The following GRIK2 variants were observed in gnomAD, a reference collection of about 807,000 sequenced individuals.
GRIK2 encodes the protein glutamate ionotropic receptor kainate type subunit 2, also known as glutamate receptor ionotropic, kainate 2.
In GRIK2, 32 loss-of-function variants were observed where a neutral mutation model predicts 100.3. The observed-to-expected ratio is 0.32, with a 90% CI of 0.24 to 0.43. GRIK2 has a LOEUF of 0.43. GRIK2 is among the 20% of genes least tolerant of loss of function. The probability of loss-of-function intolerance (pLI) is 1.00; values close to 1 mark genes in which losing one functional copy is unlikely to be tolerated. For missense variants in GRIK2, 843 were observed against 1,114.9 expected, an observed-to-expected ratio of 0.76 and a Z score of 3.47; for synonymous variants, 417 against 389.4, an observed-to-expected ratio of 1.07 and a Z score of -0.83.
At chr6:102,022,007 G>T (rs1769447392) in intron 14 of GRIK2, among the ~76,000 whole-genome samples, 1 of 148,984 alleles carries the variant, frequency 6.7e-6, no homozygotes, top group South Asian at 2.1e-4. Context: ...TTTTTAGAAG[G>T]GTAGATTTAG....
chr6:101,859,804 T>C (rs1265618841), intron 11 of GRIK2, among the ~76,000 whole-genome samples: 2 of 152,142 alleles, frequency 1.3e-5, no homozygotes, highest in Non-Finnish European at 2.9e-5. Context: ...GGCCATAAAG[T>C]TGGCAAGAGG....
At chr6:101,397,511 A>AT (rs1775058643) in intron 1 of GRIK2, among the ~76,000 whole-genome samples, 1 of 152,222 alleles carries the variant, frequency 6.6e-6, no homozygotes, top group Non-Finnish European at 1.5e-5. Context: ...CATGATACTT[A>AT]TTTTTGACAC....
intron 2 of GRIK2, among the ~76,000 whole-genome samples, chr6:101,535,838 T>C (rs1775665017): frequency 1.3e-5 from 2 of 151,726 alleles, no homozygotes; most frequent in South Asian, 4.1e-4. Flanking sequence ...AGTAAGCACC[T>C]AAACGAAGTA....
chr6:102,044,467 T>C (rs2852611), intron 15 of GRIK2, among the ~76,000 whole-genome samples: 63,200 of 151,854 alleles, frequency 0.42, 13,258 homozygotes, highest in Middle Eastern at 0.46. Context: ...GGGAGGCCTC[T>C]GATTTATGGC....
intron 4 of GRIK2, among the ~76,000 whole-genome samples, chr6:101,672,029 G>GATCGATTA (rs1451718971): frequency 1.3e-5 from 2 of 152,106 alleles, no homozygotes; most frequent in Non-Finnish European, 2.9e-5. Context: ...TGCTACTGAT[G>GATCGATTA]ATCGATTAGA....
At chr6:101,895,246 G>A (rs1286707207) in intron 12 of GRIK2, among the ~76,000 whole-genome samples, 1 of 151,604 alleles carries the variant, frequency 6.6e-6, no homozygotes, top group African/African-American at 2.4e-5. Flanking sequence ...AAGAATATAG[G>A]AATTTTTTGT....
intron 2 of GRIK2, among the ~76,000 whole-genome samples, chr6:101,452,076 T>G (rs1298850914): frequency 2.0e-5 from 3 of 151,732 alleles, no homozygotes; most frequent in Non-Finnish European, 4.4e-5. Context: ...TCACAAAACA[T>G]GGAGGACATG....
At chr6:101,571,864 C>A (rs1352438100) in intron 2 of GRIK2, among the ~76,000 whole-genome samples, 1 of 152,108 alleles carries the variant, frequency 6.6e-6, no homozygotes, top group African/African-American at 2.4e-5. Flanking sequence ...CTATACATAA[C>A]CATGCAGAAC....
chr6:102,037,254 C>T lies in GRIK2; in HGVS notation c.2311+1688C>T, dbSNP rs1770320935. Among the ~76,000 whole-genome samples, 3 of 151,078 alleles carry T rather than the reference C, an allele frequency of 2.0e-5. No individual in the cohort carries two copies. In the Admixed American group the frequency reaches 2.0e-4, roughly 10 times the overall value. On this transcript the variant is annotated intron_variant, in intron 15 of 16. Coordinates refer to ENST00000369134, the MANE Select transcript of GRIK2 (RefSeq NM_021956.5). The stretch of plus-strand genomic sequence containing the variant: ...TTACTCCCAAAATAGGCAAGTGTAG[C>T]TGAGTCCACATAATTGAGGGGTTAA...
At chr6:101,578,080 G>C (rs892294199) in intron 2 of GRIK2, among the ~76,000 whole-genome samples, 1 of 152,160 alleles carries the variant, frequency 6.6e-6, no homozygotes, top group African/African-American at 2.4e-5. Flanking sequence ...CTTGCGTCTT[G>C]ATCCAGGAAA....
chr6:101,806,914 C>A (rs1454577839), intron 9 of GRIK2, among the ~76,000 whole-genome samples: 1 of 151,672 alleles, frequency 6.6e-6, no homozygotes, highest in African/African-American at 2.4e-5. Flanking sequence ...GGCTATCTCC[C>A]TAGCCAGAGT....
intron 7 of GRIK2, among the ~76,000 whole-genome samples, chr6:101,777,195 C>T (rs986496216): frequency 6.6e-6 from 1 of 152,204 alleles, no homozygotes; most frequent in South Asian, 2.1e-4. Context: ...ACAATTGGCT[C>T]CCGACTGGGT....
Position 101,802,358 on chromosome 6 carries a change from A to G in GRIK2, c.1123A>G (p.Ile375Val). The G allele has an allele frequency of 6.3e-7, 1 of 1,583,764 alleles. No homozygotes were observed. Among genetic ancestry groups the G allele is most frequent in the Non-Finnish European group, 8.6e-7 (1 of 1,160,268 alleles). The part of the protein sequence containing the change: ...EAHWEGLTGR[I>V]TFNKTNGLRT... ...ACATTGGGAAGGCCTCACAGGCAGA[A>G]TAACTTTCAACAAAACCAATGGCTT... Residue 375 changes from isoleucine to valine, a missense_variant, in exon 9 of 17, where the codon ATA (isoleucine) becomes GTA (valine). Physicochemically the swap from Ile to Val is conservative, Grantham distance 29. Transcript: ENST00000369134.
chr6:101,872,389 G>A (rs975102025), intron 11 of GRIK2, among the ~76,000 whole-genome samples: 1 of 151,774 alleles, frequency 6.6e-6, no homozygotes, highest in South Asian at 2.1e-4. Flanking sequence ...TCTTCACATG[G>A]CAGCAGCAGG....
intron 15 of GRIK2, among the ~76,000 whole-genome samples, chr6:102,044,001 A>C: frequency 6.6e-6 from 1 of 152,100 alleles, no homozygotes; most frequent in Admixed American, 6.6e-5. Context: ...GAGGCCATTA[A>C]GCCTATTTTT....
intron 7 of GRIK2, among the ~76,000 whole-genome samples, chr6:101,771,778 C>T (rs1325065749): frequency 4.1e-5 from 6 of 145,210 alleles, no homozygotes; most frequent in East Asian, 2.1e-4. Flanking sequence ...TGAGAACATG[C>T]GGTGTTTGGT....
At chr6:101,866,932 G>C (rs1488293234) in intron 11 of GRIK2, among the ~76,000 whole-genome samples, 2 of 151,772 alleles carry the variant, frequency 1.3e-5, no homozygotes, top group African/African-American at 4.8e-5. Context: ...GTGTGTGTGT[G>C]TGTTTTCATA....
intron 10 of GRIK2, among the ~76,000 whole-genome samples, chr6:101,844,924 A>G (rs893514991): frequency 6.6e-6 from 1 of 152,160 alleles, no homozygotes; most frequent in Non-Finnish European, 1.5e-5. Flanking sequence ...TATCACCACT[A>G]TCTAGTTCCA....
At chr6:101,498,208 T>C (rs1773554077) in intron 2 of GRIK2, among the ~76,000 whole-genome samples, 1 of 151,196 alleles carries the variant, frequency 6.6e-6, no homozygotes, top group South Asian at 2.1e-4. Context: ...CATCATTTTT[T>C]ATGGCTGCAT....
Sources: gnomAD v4.1 joint callset for allele counts (sites outside exome capture counted in the v4.1 genomes callset) on GRCh38, gnomAD v4.1.1 for gene constraint, MANE v1.5 for transcripts, NCBI Gene and HGNC (gene_info 2026-07-23, HGNC 2026-07-21) for gene names.